USP9X: variants seen among roughly 807,000 people sequenced by gnomAD.
USP9X encodes the protein ubiquitin specific peptidase 9 X-linked.
USP9X carries 7 observed loss-of-function variants against 190.3 expected under a neutral mutation model. The ratio of observed to expected loss-of-function variants is 0.04; its 90% CI spans 0.02 to 0.07. The LOEUF is 0.07. USP9X is among the 10% of genes least tolerant of loss of function. The probability of loss-of-function intolerance (pLI) is 1.00; values close to 1 mark genes in which losing one functional copy is unlikely to be tolerated. For missense variants in USP9X, 1,010 were observed against 1,916.9 expected, an observed-to-expected ratio of 0.53 and a Z score of 8.83; for synonymous variants, 645 against 659.5, an observed-to-expected ratio of 0.98 and a Z score of 0.34.
At chrX:41,147,446 CGTT>C (rs1205245128) in intron 11 of USP9X, among the ~76,000 whole-genome samples, 1 of 91,391 alleles carries the variant, frequency 1.1e-5, no homozygotes, top group African/African-American at 4.3e-5. Flanking sequence ...TTAACTTAAT[CGTT>C]GTTTTTTTTT....
In USP9X at chrX:41,098,876, G is replaced by A. The variant is rs148452384; in HGVS notation, c.-159+12767G>A. The stretch of plus-strand genomic sequence containing the variant: ...GTCTTTTTCATTACTGTATAGTATT[G>A]TATTAAATCCATGATTTATTTATCC... On this transcript the variant is annotated intron_variant, in intron 1 of 44. Transcript: ENST00000378308. Among the ~76,000 whole-genome samples the A allele has an allele frequency of 8.5e-3, 917 of 108,171 alleles. 16 individuals carry two copies. The highest frequency in any genetic ancestry group is 0.029 in the African/African-American group (839 of 29,152). 93.9% of individuals were successfully genotyped at this position (108,171 alleles called of 115,157 possible). A position where few individuals can be genotyped will look rare whatever the true frequency, so the allele number is the denominator to read the frequency against.
Position 41,143,247 on chromosome X carries a change from G to C in USP9X, c.1162-44G>C, listed in dbSNP as rs369316679. 117 of 1,009,709 alleles carry C rather than the reference G, an allele frequency of 1.2e-4. 4 individuals carry two copies. The highest frequency in any genetic ancestry group is 1.1e-3 in the East Asian group (31 of 29,443). The allele number at this position is 1,009,709 out of a possible 1,213,427, so 83.2% of individuals were successfully genotyped here. The stretch of plus-strand genomic sequence containing the variant: ...TAGTGTGAGCAATTAAGAAAAAATT[G>C]TTTTAATTTCTGCTTTCAAACACGT... On this transcript the variant is annotated intron_variant, in intron 9 of 44. Coordinates refer to ENST00000378308, the MANE Select transcript of USP9X (RefSeq NM_001039591.3).
chrX:41,151,191 A>T, intron 13 of USP9X, 134 bp downstream of exon 13: 1 of 609,049 alleles, frequency 1.6e-6, no homozygotes, highest in Non-Finnish European at 2.4e-6. Flanking sequence ...AAGTGTTTGG[A>T]ACAAAAGAAT....
chrX:41,166,300 G>A lies in USP9X; in HGVS notation c.2328+86G>A, dbSNP rs766910691. 4.8e-5 allele frequency: 34 copies of A among 706,244 alleles called. No homozygotes were observed. In the South Asian group the frequency reaches 1.3e-3, roughly 26 times the overall value. 58.2% of individuals were successfully genotyped at this position (706,244 alleles called of 1,213,427 possible). A position where few individuals can be genotyped will look rare whatever the true frequency, so the allele number is the denominator to read the frequency against. ...AATTGTAATTTTGCATATAAATTGT[G>A]TATTTTACTCTGATGTTTGTCTCAG... On this transcript the variant is annotated intron_variant, in intron 16 of 44. Transcript: ENST00000378308.
In USP9X at chrX:41,170,036, C is replaced by T; in HGVS notation, c.2678C>T (p.Pro893Leu). 1 of 1,211,244 alleles carries T rather than the reference C, an allele frequency of 8.3e-7. No individual in the cohort carries two copies. Among genetic ancestry groups the T allele is most frequent in the Non-Finnish European group, 1.1e-6 (1 of 895,294 alleles). The change falls in exon 19 of 45, where the codon CCA (proline) becomes CTA (leucine). Residue 893 changes from proline (P) to leucine (L), a missense_variant. Coordinates refer to ENST00000378308, the MANE Select transcript of USP9X (RefSeq NM_001039591.3). ...CACCTCTCTTTTGTAGTTCGATTTC[C>T]AAACCAGGGCAGACAGGTTGATGAC... ...GKHLSFVVRF[P>L]NQGRQVDDLE...
chrX:41,114,851 A>G (rs1167983104), intron 1 of USP9X, among the ~76,000 whole-genome samples: 6 of 110,928 alleles, frequency 5.4e-5, no homozygotes, highest in Non-Finnish European at 1.1e-4. Flanking sequence ...GTAACAAAAT[A>G]TGTTAGTCGC....
intron 1 of USP9X, among the ~76,000 whole-genome samples, chrX:41,121,848 G>T (rs1252733476): frequency 1.8e-5 from 2 of 111,436 alleles, no homozygotes; most frequent in Non-Finnish European, 3.8e-5. Flanking sequence ...GCTGAAGAGG[G>T]CTACTGATCT....
intron 1 of USP9X, among the ~76,000 whole-genome samples, chrX:41,091,821 A>G (rs1374578088): frequency 8.9e-6 from 1 of 111,918 alleles, no homozygotes; most frequent in African/African-American, 3.3e-5. Context: ...CTATATCTAT[A>G]TGTGTCAAAT....
chrX:41,154,095 TC>T (rs1448157778), intron 14 of USP9X, among the ~76,000 whole-genome samples: 4 of 111,863 alleles, frequency 3.6e-5, no homozygotes, highest in Admixed American at 9.5e-5. Flanking sequence ...CTTCTGATAC[TC>T]CCAGTGATAG....
Position 41,183,977 on chromosome X carries a change from CTG to C in USP9X, c.3149-19_3149-18del, listed in dbSNP as rs1351212089. ...TGAACACATGAATTACATTTTCACA[CTG>C]TCTCTTTTTTTCCTCCAGATAGCAC... is the stretch of plus-strand genomic sequence containing the variant. On this transcript the variant is annotated intron_variant, in intron 21 of 44. Transcript: ENST00000378308. The C allele has an allele frequency of 4.2e-6, 5 of 1,192,139 alleles. No homozygotes were observed. Among genetic ancestry groups the C allele is most frequent in the East Asian group, 6.0e-5 (2 of 33,573 alleles).
intron 23 of USP9X, 45 bp downstream of exon 23, chrX:41,184,720 AT>A: frequency 9.4e-7 from 1 of 1,059,162 alleles, no homozygotes; most frequent in Non-Finnish European, 1.3e-6. Flanking sequence ...GTAGATAGCA[AT>A]TTTTAAAGTA....
rs747545589 is a variant in USP9X at position 41,184,548 on chromosome X, G to A, written c.3431G>A (p.Arg1144Gln). 4 of 1,209,247 alleles carry A rather than the reference G, an allele frequency of 3.3e-6. No individual in the cohort carries two copies. Among genetic ancestry groups the A allele is most frequent in the African/African-American group, 1.8e-5 (1 of 56,918 alleles). Reference sequence around the variant, plus strand: ...CTACCGAATGCAGATATGGAAACTCGAAGGGGTGCCTACCTCAATGCTCTT... The same window carrying A: ...CTACCGAATGCAGATATGGAAACTCAAAGGGGTGCCTACCTCAATGCTCTT... ...NFLPNADMET[R>Q]RGAYLNALKI... The change falls in exon 23 of 45, where the codon CGA (arginine) becomes CAA (glutamine). Residue 1144 changes from arginine to glutamine, a missense_variant. Around this residue, in one of 11 missense-constraint regions of USP9X, gnomAD observed 351 missense variants for 480.8 expected, o/e 0.73. Coordinates refer to ENST00000378308, the MANE Select transcript of USP9X (RefSeq NM_001039591.3).
intron 38 of USP9X, among the ~76,000 whole-genome samples, chrX:41,219,782 G>T (rs1462772710): frequency 3.6e-5 from 4 of 112,221 alleles, no homozygotes; most frequent in Admixed American, 2.8e-4. Context: ...GAGCCCAGGA[G>T]ACTAACCTAG....
chrX:41,103,199 A>G (rs989358730), intron 1 of USP9X, among the ~76,000 whole-genome samples: 2 of 112,818 alleles, frequency 1.8e-5, no homozygotes, highest in African/African-American at 6.4e-5. Flanking sequence ...TATTAAGTCA[A>G]CATTGCTCAC....
chrX:41,172,333 T>A (rs2062734100), intron 21 of USP9X, among the ~76,000 whole-genome samples: 1 of 112,167 alleles, frequency 8.9e-6, no homozygotes, highest in Non-Finnish European at 1.9e-5. Flanking sequence ...CCTAAACTGC[T>A]TAACTTTCCT....
Position 41,229,781 on chromosome X carries a change from TA to T in USP9X, c.7431+9del, listed in dbSNP as rs774054468. On this transcript the variant is annotated splice_donor_region_variant and intron_variant, in intron 43 of 44. Coordinates refer to ENST00000378308, the MANE Select transcript of USP9X (RefSeq NM_001039591.3). ...GCTTGTGAACTCTGTCCAGAGGAGGTAAAAAAAGCCACCAGTGTGCAGCAGA... is the reference window on the plus strand; with the variant it reads ...GCTTGTGAACTCTGTCCAGAGGAGGTAAAAAAGCCACCAGTGTGCAGCAGA... 9.9e-6 allele frequency: 12 copies of T among 1,209,972 alleles called. No homozygotes were observed. The highest frequency in any genetic ancestry group is 1.3e-5 in the Non-Finnish European group (12 of 895,164).
intron 5 of USP9X, among the ~76,000 whole-genome samples, chrX:41,135,086 C>T (rs1023293697): frequency 3.6e-5 from 4 of 111,653 alleles, no homozygotes; most frequent in Non-Finnish European, 7.5e-5. Context: ...GTGTCTGTGA[C>T]CTTAGGCAAG....
At chrX:41,152,867 A>G (rs2062541746) in intron 13 of USP9X, 81 bp from the exon 14 acceptor site, 1 of 1,005,290 alleles carries the variant, frequency 9.9e-7, no homozygotes, top group Non-Finnish European at 1.3e-6. Context: ...ATCAGTAGCT[A>G]AGAATTTAGA....
intron 1 of USP9X, among the ~76,000 whole-genome samples, chrX:41,096,530 C>T (rs1185599532): frequency 9.0e-6 from 1 of 111,682 alleles, no homozygotes; most frequent in Non-Finnish European, 1.9e-5. Flanking sequence ...GCAACGTCTG[C>T]CTCCTGGGTT....
Sources: gnomAD v4.1 joint callset for allele counts (sites outside exome capture counted in the v4.1 genomes callset) on GRCh38, gnomAD v4.1.1 for gene constraint, gnomAD v4.1.1 regional missense constraint, MANE v1.5 for transcripts, NCBI Gene and HGNC (gene_info 2026-07-23, HGNC 2026-07-21) for gene names.